The following PHKG1 variants were observed in gnomAD, a reference collection of about 807,000 sequenced individuals.
PHKG1 encodes the protein phosphorylase kinase catalytic subunit gamma 1.
A neutral mutation model predicts 50.5 loss-of-function variants in PHKG1; 48 were observed. The observed-to-expected ratio is 0.95, with a 90% CI of 0.75 to 1.21. The LOEUF (loss-of-function observed/expected upper bound fraction) is 1.21. Among genes scored for constraint, PHKG1 ranks in the 50% most tolerant of loss-of-function variants. The pLI is 0.00. For missense variants in PHKG1, 487 were observed against 519.5 expected (o/e 0.94, Z 0.61); for synonymous variants, 204 against 212.8 (o/e 0.96, Z 0.36).
Position 56,088,855 on chromosome 7 carries a change from T to A in PHKG1, c.83+4A>T. On this transcript the variant is annotated splice_donor_region_variant and intron_variant, in intron 2 of 9. Coordinates refer to ENST00000297373, the MANE Select transcript of PHKG1 (RefSeq NM_006213.5). ...GCACTTCGTGGGGAAAGCTTGGGCT[T>A]TACCTGCCCAGGATCTCTTTGGGCT... 1.9e-6 allele frequency: 3 copies of A among 1,608,514 alleles called. No individual in the cohort carries two copies. Among genetic ancestry groups the A allele is most frequent in the Non-Finnish European group, 2.6e-6 (3 of 1,175,848 alleles).
chr7:56,083,676 C>G lies in PHKG1; in HGVS notation c.357G>C (p.Lys119Asn). The change falls in exon 5 of 10, where the codon AAG (lysine) becomes AAC (asparagine). Residue 119 changes from lysine to asparagine, a missense_variant. By Grantham distance (94) the Lys-to-Asn change is moderately conservative. Coordinates refer to ENST00000297373, the MANE Select transcript of PHKG1 (RefSeq NM_006213.5). ...TGGTTTCCTTCTCACTCAAGGTGAC[C>G]TTCTCAGTGAGGTAGTCAAAGAGCT... ...RGELFDYLTE[K>N]VTLSEKETRK... 6.3e-7 allele frequency: 1 copy of G among 1,586,078 alleles called. No homozygotes were observed. Among genetic ancestry groups the G allele is most frequent in the Non-Finnish European group, 8.6e-7 (1 of 1,163,310 alleles).
rs1795988348 is a variant in PHKG1 at position 56,081,490 on chromosome 7, T to G, written c.918+140A>C. ...AGCCAGTGGGCTGACACCTGCCGTC[T>G]TTGAAGCCATCACAGGGCAGCTGGG... On this transcript the variant is annotated intron_variant, in intron 9 of 9. Coordinates refer to ENST00000297373, the MANE Select transcript of PHKG1 (RefSeq NM_006213.5). This position sits in a 1 kb window ranked among gnomAD's most constrained non-coding sequence, Gnocchi z 4.6. 2.4e-6 allele frequency: 3 copies of G among 1,257,298 alleles called. No individual in the cohort carries two copies. The highest frequency in any genetic ancestry group is 3.3e-6 in the Non-Finnish European group (3 of 899,106). The allele number at this position is 1,257,298 out of a possible 1,614,324, so 77.9% of individuals were successfully genotyped here.
At chr7:56,084,369 GA>G (rs1796159927) in intron 4 of PHKG1, 2 of 473,430 alleles carry the variant, frequency 4.2e-6, no homozygotes, top group Non-Finnish European at 7.4e-6. Flanking sequence ...TGAGTATCCC[GA>G]TTTTTTTTTT....
At chr7:56,085,769 A>C (rs1005058011) in intron 4 of PHKG1, among the ~76,000 whole-genome samples, 11 of 152,020 alleles carry the variant, frequency 7.2e-5, no homozygotes, top group African/African-American at 2.4e-4. Context: ...GTTCGAGACC[A>C]GACTGGCCAA....
chr7:56,087,168 C>A, intron 3 of PHKG1, 144 bp from the exon 4 acceptor site: 2 of 669,122 alleles, frequency 3.0e-6, no homozygotes, highest in Non-Finnish European at 5.5e-6. Flanking sequence ...AAGACGTCAA[C>A]CTGGGATGTG....
At chr7:56,090,491 A>G (rs1055045926) in intron 1 of PHKG1, among the ~76,000 whole-genome samples, 1 of 152,182 alleles carries the variant, frequency 6.6e-6, no homozygotes, top group Non-Finnish European at 1.5e-5. Flanking sequence ...TCCATTCTGC[A>G]GACACTGAAC....
chr7:56,080,842 G>A lies in PHKG1; in HGVS notation c.*212C>T, dbSNP rs1795936637. The A allele has an allele frequency of 3.3e-6, 2 of 609,854 alleles. No homozygotes were observed. The highest frequency in any genetic ancestry group is 5.7e-6 in the Non-Finnish European group (2 of 350,972). 37.8% of individuals were successfully genotyped at this position (609,854 alleles called of 1,614,324 possible). A position where few individuals can be genotyped will look rare whatever the true frequency, so the allele number is the denominator to read the frequency against. Reference sequence around the variant, plus strand: ...TGTGATCTCTGCCCACCCAGGGCCTGCCCCAGCCTGCAGGTATTGCTGTGT... The same window carrying A: ...TGTGATCTCTGCCCACCCAGGGCCTACCCCAGCCTGCAGGTATTGCTGTGT... On this transcript the variant is annotated 3_prime_UTR_variant, in exon 10 of 10. Transcript: ENST00000297373.
In PHKG1 at chr7:56,081,520, G is replaced by A. The variant is rs991847978; in HGVS notation, c.918+110C>T. Reference sequence around the variant, plus strand: ...AGCCATCACAGGGCAGCTGGGAGGGGAGGGATGGGTACTCTGGAAATTCAC... The same window carrying A: ...AGCCATCACAGGGCAGCTGGGAGGGAAGGGATGGGTACTCTGGAAATTCAC... On this transcript the variant is annotated intron_variant, in intron 9 of 9. Transcript: ENST00000297373. The surrounding 1 kb of genome is among the most constrained non-coding windows in gnomAD (Gnocchi z 4.6). 1 of 1,350,264 alleles carries A rather than the reference G, an allele frequency of 7.4e-7. No homozygotes were observed. Among genetic ancestry groups the A allele is most frequent in the Non-Finnish European group, 1.0e-6 (1 of 971,868 alleles). The allele number at this position is 1,350,264 out of a possible 1,614,324, so 83.6% of individuals were successfully genotyped here.
chr7:56,087,589 A>C lies in PHKG1; in HGVS notation c.262+9T>G. The C allele has an allele frequency of 4.3e-6, 7 of 1,611,056 alleles. No homozygotes were observed. Among genetic ancestry groups the C allele is most frequent in the Non-Finnish European group, 5.9e-6 (7 of 1,178,218 alleles). On this transcript the variant is annotated intron_variant, in intron 3 of 9. Coordinates refer to ENST00000297373, the MANE Select transcript of PHKG1 (RefSeq NM_006213.5). ...GCACCCTGCCGTGTGGCTTGGGGCC[A>C]TCACTCACTGATGTTGGGGTGCCCT...
rs1287096715 is a variant in PHKG1 at position 56,083,313 on chromosome 7, A to G, written c.512T>C (p.Phe171Ser). Residue 171 changes from phenylalanine (F) to serine (S), a missense_variant, in exon 6 of 10, where the codon TTT becomes TCT. Coordinates refer to ENST00000297373, the MANE Select transcript of PHKG1 (RefSeq NM_006213.5). ...CTCTCCCGGCTCCAGCTGGCAGGAA[A>G]AGCCAAAGTCTGTGAGCTTGATGTT... ...NMNIKLTDFG[F>S]SCQLEPGERL... The G allele has an allele frequency of 6.2e-7, 1 of 1,614,030 alleles. No individual in the cohort carries two copies. The highest frequency in any genetic ancestry group is 8.5e-7 in the Non-Finnish European group (1 of 1,179,968).
intron 3 of PHKG1, among the ~76,000 whole-genome samples, chr7:56,087,240 G>T (rs1199739100): frequency 7.6e-6 from 1 of 130,904 alleles, no homozygotes; most frequent in Non-Finnish European, 1.6e-5. Flanking sequence ...ATTATTATTA[G>T]AGACAGGATC....
rs1715348942 is a variant in PHKG1, at chr7:56,080,816, G to A, written c.*238C>T. 1.8e-5 allele frequency: 10 copies of A among 567,350 alleles called. No homozygotes were observed. The South Asian group carries it at 1.9e-4, about 11-fold the overall frequency. 35.1% of individuals were successfully genotyped at this position (567,350 alleles called of 1,614,324 possible). ...AGGGGGTTCCTGGTTCTCAGGCCAC[G>A]TGTGATCTCTGCCCACCCAGGGCCT... is the stretch of plus-strand genomic sequence containing the variant. On this transcript the variant is annotated 3_prime_UTR_variant, in exon 10 of 10. Transcript: ENST00000297373.
chr7:56,088,250 G>A (rs1024559484), intron 2 of PHKG1, among the ~76,000 whole-genome samples: 1 of 151,682 alleles, frequency 6.6e-6, no homozygotes, highest in Non-Finnish European at 1.5e-5. Context: ...GGCCAGGCTG[G>A]TCTCAAACTC....
chr7:56,081,928 C>G lies in PHKG1; in HGVS notation c.757G>C (p.Glu253Gln). The G allele has an allele frequency of 2.5e-6, 4 of 1,613,660 alleles. No homozygotes were observed. Among genetic ancestry groups the G allele is most frequent in the Non-Finnish European group, 3.4e-6 (4 of 1,179,988 alleles). Residue 253 changes from glutamate (E) to glutamine (Q), a missense_variant, in exon 8 of 10, where the codon GAG becomes CAG. Physicochemically the swap from Glu to Gln is conservative, Grantham distance 29. Transcript: ENST00000297373. The surrounding 1 kb of genome is among the most constrained non-coding windows in gnomAD (Gnocchi z 4.6). ...MSGNYQFGSP[E>Q]WDDYSDTVKD... is the part of the protein sequence containing the mutation. ...ACGGTGTCCGAGTAATCATCCCACTCGGGCGAGCCAAACTGGTAGTTGCCG... is the reference window on the plus strand; with the variant it reads ...ACGGTGTCCGAGTAATCATCCCACTGGGGCGAGCCAAACTGGTAGTTGCCG...
chr7:56,082,846 G>A (rs962562616), intron 6 of PHKG1, among the ~76,000 whole-genome samples: 4 of 151,878 alleles, frequency 2.6e-5, no homozygotes, highest in African/African-American at 9.7e-5. Flanking sequence ...GGTGGCTCAC[G>A]CCTGTAATCA....
At chr7:56,091,415 G>T (rs1441083463) in intron 1 of PHKG1, among the ~76,000 whole-genome samples, 1 of 152,040 alleles carries the variant, frequency 6.6e-6, no homozygotes, top group Non-Finnish European at 1.5e-5. Flanking sequence ...TACTCAGGAG[G>T]CTGAGGCAGG....
At chr7:56,086,260 C>T (rs1796246407) in intron 4 of PHKG1, among the ~76,000 whole-genome samples, 1 of 152,000 alleles carries the variant, frequency 6.6e-6, no homozygotes, top group African/African-American at 2.4e-5. Flanking sequence ...TGCCTGAAAC[C>T]ATGGATAGCA....
In PHKG1 at chr7:56,091,899, C is replaced by T. The variant is rs78594298; in HGVS notation, c.-35+937G>A. ...GCCCCATCAGCAACTTGGCGGAGCCCGGGACTGTCTGTTTCCCATAAAAAC... is the reference window on the plus strand; with the variant it reads ...GCCCCATCAGCAACTTGGCGGAGCCTGGGACTGTCTGTTTCCCATAAAAAC... On this transcript the variant is annotated intron_variant, in intron 1 of 9. Coordinates refer to ENST00000297373, the MANE Select transcript of PHKG1 (RefSeq NM_006213.5). 5.1e-4 allele frequency among the ~76,000 whole-genome samples: 77 copies of T among 152,364 alleles called. 2 individuals are homozygous for T. The East Asian group carries it at 0.01, about 20-fold the overall frequency.
intron 2 of PHKG1, 73 bp downstream of exon 2, chr7:56,088,786 G>A (rs962049173): frequency 3.0e-6 from 3 of 1,000,770 alleles, no homozygotes; most frequent in Non-Finnish European, 4.7e-6. Context: ...TCGGGGTGGA[G>A]CAGAGCTGGC....
Sources: gnomAD v4.1 joint callset for allele counts (sites outside exome capture counted in the v4.1 genomes callset) on GRCh38, gnomAD v4.1.1 for gene constraint, Gnocchi (gnomAD v3.1) non-coding constraint, MANE v1.5 for transcripts, NCBI Gene and HGNC (gene_info 2026-07-23, HGNC 2026-07-21) for gene names.